Variants in DPY19L3 observed in about 807,000 individuals in gnomAD.
The protein encoded by DPY19L3 is protein C-mannosyl-transferase DPY19L3.
In DPY19L3, 51 loss-of-function variants were observed where a neutral mutation model predicts 92.3. That is an observed-to-expected ratio of 0.55 (90% CI 0.44 to 0.70). DPY19L3 has a LOEUF of 0.70. Ranked by LOEUF, DPY19L3 falls within the 30% of genes least tolerant of loss-of-function variation. The pLI, the probability that DPY19L3 is intolerant of heterozygous loss-of-function variation, is 0.00. For missense variants in DPY19L3, 706 were observed against 855.9 expected (o/e 0.82, Z 2.18); for synonymous variants, 309 against 315.2 (o/e 0.98, Z 0.21).
intron 17 of DPY19L3, among the ~76,000 whole-genome samples, chr19:32,478,737 C>G (rs1970586273): frequency 1.3e-5 from 2 of 152,196 alleles, no homozygotes; most frequent in African/African-American, 4.8e-5. Flanking sequence ...AGCTTCCTTC[C>G]TATTTTTAAA....
At chr19:32,463,301 T>C in intron 12 of DPY19L3, 65 bp from the exon 13 acceptor site, 2 of 1,562,580 alleles carry the variant, frequency 1.3e-6, no homozygotes, top group Non-Finnish European at 1.8e-6. Context: ...TATCTTCTTC[T>C]TTTACAAAGA....
Position 32,437,323 on chromosome 19 carries a change from T to C in DPY19L3, c.580T>C (p.Trp194Arg). 1 of 1,613,916 alleles carries C rather than the reference T, an allele frequency of 6.2e-7. No homozygotes were observed. Among genetic ancestry groups the C allele is most frequent in the Non-Finnish European group, 8.5e-7 (1 of 1,179,860 alleles). ...GCTGTCAGGACTGTTGGCAGCTTTCTGGTATGTCACAAATAGGTGAGTTGG... is the reference window on the plus strand; with the variant it reads ...GCTGTCAGGACTGTTGGCAGCTTTCCGGTATGTCACAAATAGGTGAGTTGG... ...TWLSGLLAAF[W>R]YVTNRIDTTR... Residue 194 changes from tryptophan to arginine, a missense_variant, in exon 6 of 19, where the codon TGG becomes CGG. Physicochemically the swap from Trp to Arg is moderately radical, Grantham distance 101. Coordinates refer to ENST00000392250, the MANE Select transcript of DPY19L3 (RefSeq NM_001172774.2).
chr19:32,412,895 A>C (rs1968238656), intron 3 of DPY19L3: 1 of 151,924 alleles, frequency 6.6e-6, no homozygotes, highest in Admixed American at 6.6e-5. Flanking sequence ...CCACCACTGC[A>C]CTCCAGCCTG....
intron 3 of DPY19L3, among the ~76,000 whole-genome samples, chr19:32,431,235 C>T (rs890392719): frequency 1.3e-5 from 2 of 151,920 alleles, no homozygotes; most frequent in African/African-American, 2.4e-5. Context: ...CCAAATTAGC[C>T]GGGCATGGTG....
At chr19:32,439,640 G>T (rs1969261567) in intron 7 of DPY19L3, 136 bp from the exon 8 acceptor site, 8 of 824,538 alleles carry the variant, frequency 9.7e-6, no homozygotes, top group South Asian at 1.8e-5. Flanking sequence ...AATAACAAAT[G>T]CAAGGGTTTT....
chr19:32,412,316 GAA>G (rs555056436), intron 3 of DPY19L3: 10 of 151,960 alleles, frequency 6.6e-5, no homozygotes, highest in Admixed American at 2.6e-4. Flanking sequence ...AAATCAAAAA[GAA>G]AGAATACTAT....
intron 7 of DPY19L3, 83 bp from the exon 8 acceptor site, chr19:32,439,693 A>G: frequency 3.5e-6 from 5 of 1,418,248 alleles, no homozygotes; most frequent in Non-Finnish European, 4.8e-6. Flanking sequence ...TTATAGAGAT[A>G]CTGGCTGCTC....
intron 10 of DPY19L3, among the ~76,000 whole-genome samples, chr19:32,455,302 G>A (rs1232958370): frequency 6.6e-6 from 1 of 152,064 alleles, no homozygotes; most frequent in Admixed American, 6.5e-5. Context: ...GCTTTATAAA[G>A]TGTATTAACG....
intron 3 of DPY19L3, among the ~76,000 whole-genome samples, chr19:32,428,839 TTC>T (rs1555718322): frequency 5.4e-5 from 8 of 149,208 alleles, no homozygotes; most frequent in Admixed American, 2.1e-4. Flanking sequence ...TTTGTTTTTT[TTC>T]TTGTTGTTGT....
chr19:32,422,629 A>ACACACAC (rs140226412), intron 3 of DPY19L3, among the ~76,000 whole-genome samples: 9 of 146,722 alleles, frequency 6.1e-5, no homozygotes, highest in South Asian at 4.3e-4. Context: ...AATCAGGAAA[A>ACACACAC]ACACACACAC....
chr19:32,412,526 G>A (rs1053410035), intron 3 of DPY19L3: 69 of 151,638 alleles, frequency 4.6e-4, no homozygotes, highest in African/African-American at 1.5e-3. Context: ...TGGCTCCACA[G>A]AGGGTCCTCA....
At chr19:32,409,307 C>A (rs905534886) in intron 2 of DPY19L3, among the ~76,000 whole-genome samples, 4 of 152,222 alleles carry the variant, frequency 2.6e-5, no homozygotes, top group Admixed American at 2.6e-4. Flanking sequence ...TTGGGATCCA[C>A]GTGCTGTTTT....
At chr19:32,447,770 T>TAGACAGAC (rs771732071) in intron 8 of DPY19L3, among the ~76,000 whole-genome samples, 1 of 143,450 alleles carries the variant, frequency 7.0e-6, no homozygotes, top group Admixed American at 7.0e-5. Flanking sequence ...GATAGATAGA[T>TAGACAGAC]AGATAGATTA....
intron 9 of DPY19L3, 92 bp downstream of exon 9, chr19:32,453,368 AT>A: frequency 7.7e-7 from 1 of 1,306,680 alleles, no homozygotes; most frequent in Non-Finnish European, 1.0e-6. Context: ...ACAAAGGGAA[AT>A]TTACAACCTG....
At chr19:32,454,453 A>G (rs1208703569) in intron 9 of DPY19L3, among the ~76,000 whole-genome samples, 1 of 152,182 alleles carries the variant, frequency 6.6e-6, no homozygotes, top group Non-Finnish European at 1.5e-5. Context: ...AGGCGCCTGT[A>G]GTCCCAGCTA....
At chr19:32,449,268 A>G (rs982476081) in intron 8 of DPY19L3, among the ~76,000 whole-genome samples, 5 of 152,230 alleles carry the variant, frequency 3.3e-5, no homozygotes, top group African/African-American at 1.2e-4. Flanking sequence ...CATTGTTGAA[A>G]GTTTTAAACG....
At chr19:32,418,860 A>G (rs1968465405) in intron 3 of DPY19L3, among the ~76,000 whole-genome samples, 1 of 152,240 alleles carries the variant, frequency 6.6e-6, no homozygotes, top group African/African-American at 2.4e-5. Flanking sequence ...TATGCATTCA[A>G]AATGATTTTT....
At chr19:32,441,127 G>T (rs969987506) in intron 8 of DPY19L3, among the ~76,000 whole-genome samples, 1 of 152,100 alleles carries the variant, frequency 6.6e-6, no homozygotes, top group Non-Finnish European at 1.5e-5. Context: ...AAATGTATTT[G>T]CCTTTTCACC....
At chr19:32,410,644 A>G (rs538553803) in intron 2 of DPY19L3, among the ~76,000 whole-genome samples, 1 of 152,226 alleles carries the variant, frequency 6.6e-6, no homozygotes, top group South Asian at 2.1e-4. Context: ...TTAGCCAGGC[A>G]TGGTGGCATG....
Sources: gnomAD v4.1 joint callset for allele counts (sites outside exome capture counted in the v4.1 genomes callset) on GRCh38, gnomAD v4.1.1 for gene constraint, MANE v1.5 for transcripts, NCBI Gene and HGNC (gene_info 2026-07-23, HGNC 2026-07-21) for gene names.